FGF12: variants seen among roughly 807,000 people sequenced by gnomAD.
FGF12 encodes the protein fibroblast growth factor 12B.
In FGF12, 14 loss-of-function variants were observed where a neutral mutation model predicts 23.6. The observed-to-expected ratio is 0.59, with a 90% CI of 0.39 to 0.93. The LOEUF (loss-of-function observed/expected upper bound fraction) is 0.93. Ranked by LOEUF, FGF12 falls within the 40% of genes least tolerant of loss-of-function variation. The pLI is 0.00. For synonymous variants in FGF12, 62 were observed against 77.3 expected (o/e 0.80, Z 1.04); for missense variants, 175 against 217.8 (o/e 0.80, Z 1.24).
chr3:192,142,995 AC>A lies in FGF12; in HGVS notation c.*1013del, dbSNP rs796066431. ...CCTAGGACTTATTTCCTTATGTAAA[AC>A]CCCTGTTCTTTCTTTCCTGCCACAA... On this transcript the variant is annotated 3_prime_UTR_variant, in exon 6 of 6. Transcript: ENST00000445105. 4.0e-5 allele frequency: 6 copies of A among 151,876 alleles called. No individual in the cohort carries two copies. Among genetic ancestry groups the A allele is most frequent in the African/African-American group, 1.4e-4 (6 of 41,446 alleles). 9.4% of individuals were successfully genotyped at this position (151,876 alleles called of 1,614,324 possible).
intron 2 of FGF12, among the ~76,000 whole-genome samples, chr3:192,496,687 G>A (rs539501786): frequency 6.6e-5 from 10 of 151,988 alleles, no homozygotes; most frequent in South Asian, 4.1e-4. Flanking sequence ...CCACTTCTCC[G>A]TCGAAACTGC....
intron 2 of FGF12, among the ~76,000 whole-genome samples, chr3:192,442,331 C>T (rs1722223908): frequency 6.6e-6 from 1 of 152,166 alleles, no homozygotes; most frequent in Admixed American, 6.5e-5. Context: ...AAGCTGCTTC[C>T]AGTATAGCAC....
chr3:192,617,900 C>A (rs895760036), intron 2 of FGF12, among the ~76,000 whole-genome samples: 1 of 151,988 alleles, frequency 6.6e-6, no homozygotes, highest in Non-Finnish European at 1.5e-5. Flanking sequence ...TCCAGACATA[C>A]CCAGAAACGC....
intron 3 of FGF12, among the ~76,000 whole-genome samples, chr3:192,335,871 A>G (rs1310799226): frequency 1.3e-5 from 2 of 152,098 alleles, no homozygotes; most frequent in African/African-American, 4.8e-5. Flanking sequence ...ACAAAATACT[A>G]TCTTTAAAAC....
chr3:192,202,312 CA>C (rs1284440486), intron 4 of FGF12, among the ~76,000 whole-genome samples: 2 of 152,142 alleles, frequency 1.3e-5, no homozygotes, highest in Non-Finnish European at 2.9e-5. Flanking sequence ...AAGATCTAAA[CA>C]GAGTTTTGAT....
intron 2 of FGF12, among the ~76,000 whole-genome samples, chr3:192,541,060 G>GT (rs994661962): frequency 3.3e-5 from 5 of 151,806 alleles, no homozygotes; most frequent in African/African-American, 9.7e-5. Context: ...ATTGGGTCTT[G>GT]TTTTTTTTAA....
chr3:192,590,629 G>A (rs558993526), intron 2 of FGF12, among the ~76,000 whole-genome samples: 5 of 151,918 alleles, frequency 3.3e-5, no homozygotes, highest in East Asian at 1.9e-4. Flanking sequence ...TCTTTAAAAC[G>A]AATGACTTCC....
intron 2 of FGF12, among the ~76,000 whole-genome samples, chr3:192,423,868 T>G (rs1203347271): frequency 6.6e-6 from 1 of 152,216 alleles, no homozygotes; most frequent in African/African-American, 2.4e-5. Context: ...TCACAACCAC[T>G]CAGTAAGACA....
intron 2 of FGF12, among the ~76,000 whole-genome samples, chr3:192,617,418 T>A (rs73056419): frequency 0.015 from 2,325 of 152,014 alleles, 41 homozygotes; most frequent in African/African-American, 0.044. Context: ...TACAAAGTGA[T>A]AAAGGGGGTC....
At chr3:192,307,377 A>T (rs1715701806) in intron 4 of FGF12, among the ~76,000 whole-genome samples, 1 of 152,240 alleles carries the variant, frequency 6.6e-6, no homozygotes, top group African/African-American at 2.4e-5. Context: ...TGAAGTTCTA[A>T]TATCAGAGAT....
chr3:192,280,977 G>A lies in FGF12; in HGVS notation c.228+54384C>T, dbSNP rs534477942. 1.4e-4 allele frequency among the ~76,000 whole-genome samples: 22 copies of A among 152,214 alleles called. No homozygotes were observed. The South Asian group carries it at 3.9e-3, about 27-fold the overall frequency. On this transcript the variant is annotated intron_variant, in intron 4 of 5. Coordinates refer to ENST00000445105, the MANE Select transcript of FGF12 (RefSeq NM_004113.6). ...AAAAGGATTTGACAAGAGAAATGCTGTTCTCCACTTACTCACTACACTGAA... is the reference window on the plus strand; with the variant it reads ...AAAAGGATTTGACAAGAGAAATGCTATTCTCCACTTACTCACTACACTGAA...
At chr3:192,589,386 G>A (rs536509916) in intron 2 of FGF12, among the ~76,000 whole-genome samples, 1 of 151,430 alleles carries the variant, frequency 6.6e-6, no homozygotes, top group South Asian at 2.1e-4. Context: ...AACTGCTACT[G>A]GATTGTATAA....
chr3:192,646,676 C>A (rs578150110), intron 2 of FGF12, among the ~76,000 whole-genome samples: 1 of 152,098 alleles, frequency 6.6e-6, no homozygotes, highest in South Asian at 2.1e-4. Context: ...TCGTTAGAGA[C>A]AAAGTAGATT....
intron 2 of FGF12, among the ~76,000 whole-genome samples, chr3:192,612,008 C>G (rs1714566580): frequency 6.6e-6 from 1 of 151,954 alleles, no homozygotes; most frequent in African/African-American, 2.4e-5. Context: ...TGAGTTCAAC[C>G]CTGTTAAACA....
At chr3:192,724,403 T>C (rs1049564815) in intron 2 of FGF12, among the ~76,000 whole-genome samples, 1 of 152,150 alleles carries the variant, frequency 6.6e-6, no homozygotes, top group Admixed American at 6.5e-5. Flanking sequence ...TCTAATTTCA[T>C]TGGTATGCGG....
rs1289691587 is a variant in FGF12 at position 192,142,479 on chromosome 3, TA to T, written c.*1529del. On this transcript the variant is annotated 3_prime_UTR_variant, in exon 6 of 6. Transcript: ENST00000445105. ...TATCCATAAATCTGCATACATTTTT[TA>T]ACATTCTGTTTTGTGTTTTTTTTTC... The T allele has an allele frequency of 6.6e-6, 1 of 150,816 alleles. No individual in the cohort carries two copies. Among genetic ancestry groups the T allele is most frequent in the African/African-American group, 2.4e-5 (1 of 41,092 alleles). The allele number at this position is 150,816 out of a possible 1,614,324, so 9.3% of individuals were successfully genotyped here. A position where few individuals can be genotyped will look rare whatever the true frequency, so the allele number is the denominator to read the frequency against.
chr3:192,518,675 A>C (rs1724738007), intron 2 of FGF12, among the ~76,000 whole-genome samples: 1 of 152,210 alleles, frequency 6.6e-6, no homozygotes, highest in South Asian at 2.1e-4. Context: ...TAAAAGATGA[A>C]AATCAGTACG....
At chr3:192,674,586 C>A (rs1717254803) in intron 2 of FGF12, among the ~76,000 whole-genome samples, 2 of 152,052 alleles carry the variant, frequency 1.3e-5, no homozygotes, top group Admixed American at 1.3e-4. Context: ...TTGCTTTCCA[C>A]TGTAAAAAAA....
intron 2 of FGF12, among the ~76,000 whole-genome samples, chr3:192,678,081 A>G (rs1013210448): frequency 2.6e-5 from 4 of 152,230 alleles, no homozygotes; most frequent in Non-Finnish European, 4.4e-5. Flanking sequence ...ACAAGTTGCT[A>G]TCACAACACT....
Sources: gnomAD v4.1 joint callset for allele counts (sites outside exome capture counted in the v4.1 genomes callset) on GRCh38, gnomAD v4.1.1 for gene constraint, MANE v1.5 for transcripts, NCBI Gene and HGNC (gene_info 2026-07-23, HGNC 2026-07-21) for gene names.